Variants in LRPPRC observed in about 807,000 individuals in gnomAD.
LRPPRC encodes the protein leucine-rich PPR motif-containing protein, mitochondrial.
In LRPPRC, 120 loss-of-function variants were observed where a neutral mutation model predicts 180.3. The ratio of observed to expected loss-of-function variants is 0.67; its 90% CI spans 0.57 to 0.77. The LOEUF (loss-of-function observed/expected upper bound fraction) is 0.77. Ranked by LOEUF, LRPPRC falls within the 30% of genes least tolerant of loss-of-function variation. The pLI is 0.00. For missense variants in LRPPRC, 2,012 were observed against 1,657.2 expected, an observed-to-expected ratio of 1.21 and a Z score of -3.72; for synonymous variants, 723 against 600.0, an observed-to-expected ratio of 1.21 and a Z score of -3.00.
At position 43,948,424 on chromosome 2, in the gene LRPPRC, C is replaced by G. The variant is rs367748843; in HGVS notation, c.1830G>C (p.Gln610His). Residue 610 changes from glutamine to histidine, a missense_variant, in exon 17 of 38, where the codon CAG becomes CAC. Physicochemically the swap from Gln to His is conservative, Grantham distance 24. Transcript: ENST00000260665. ...AACGAAATGGTACCATCTTCTCCAG[C>G]TGATGGAAGTATTGTCTCAAATGCT... ...KEEHLRQYFH[Q>H]LEKMNVKIPE... The G allele has an allele frequency of 2.2e-5, 36 of 1,604,644 alleles. No individual in the cohort carries two copies. The highest frequency in any genetic ancestry group is 2.9e-5 in the Non-Finnish European group (34 of 1,171,592).
intron 13 of LRPPRC, among the ~76,000 whole-genome samples, chr2:43,957,936 G>A (rs1444301097): frequency 6.6e-6 from 1 of 152,144 alleles, no homozygotes; most frequent in East Asian, 1.9e-4. Context: ...TCAATGACCT[G>A]CACTCACACA....
chr2:43,897,533 A>G (rs1373205166), intron 34 of LRPPRC, among the ~76,000 whole-genome samples: 1 of 152,168 alleles, frequency 6.6e-6, no homozygotes, highest in Non-Finnish European at 1.5e-5. Context: ...GACATCTGTG[A>G]ATAAAGTATT....
At chr2:43,976,911 G>T in intron 5 of LRPPRC, 83 bp downstream of exon 5, 1 of 1,111,198 alleles carries the variant, frequency 9.0e-7, no homozygotes, top group South Asian at 1.3e-5. Context: ...TTAGGAAGAA[G>T]CTTTAAAACA....
At chr2:43,930,161 G>GT (rs1436379094) in intron 25 of LRPPRC, among the ~76,000 whole-genome samples, 1 of 152,060 alleles carries the variant, frequency 6.6e-6, no homozygotes. Context: ...TCAAAAGAGA[G>GT]TTTTTCCCCC....
intron 15 of LRPPRC, among the ~76,000 whole-genome samples, chr2:43,950,100 G>C (rs1572958743): frequency 6.6e-6 from 1 of 151,998 alleles, no homozygotes; most frequent in African/African-American, 2.4e-5. Flanking sequence ...ATCCTGAACT[G>C]CTAAATAACT....
intron 36 of LRPPRC, among the ~76,000 whole-genome samples, chr2:43,893,537 ATT>A (rs1205490404): frequency 1.3e-5 from 2 of 152,200 alleles, no homozygotes; most frequent in Non-Finnish European, 2.9e-5. Flanking sequence ...ATCGTTAACT[ATT>A]TTTAGCAATA....
Position 43,995,793 on chromosome 2 carries a change from A to C in LRPPRC, c.149+6T>G. On this transcript the variant is annotated splice_donor_region_variant and intron_variant, in intron 1 of 37. Transcript: ENST00000260665. ...GCTTGCCTGGAGAAAGGGCCTGGGC[A>C]CTCACCCGGCCACGGGCCCGGCGCG... The C allele has an allele frequency of 7.2e-7, 1 of 1,383,700 alleles. No individual in the cohort carries two copies. Among genetic ancestry groups the C allele is most frequent in the Non-Finnish European group, 9.3e-7 (1 of 1,080,594 alleles). 85.7% of individuals were successfully genotyped at this position (1,383,700 alleles called of 1,614,324 possible).
intron 16 of LRPPRC, among the ~76,000 whole-genome samples, chr2:43,948,918 A>G (rs1267135577): frequency 6.6e-6 from 1 of 152,150 alleles, no homozygotes; most frequent in Non-Finnish European, 1.5e-5. Flanking sequence ...GAAGCACATA[A>G]AATTAGAAAG....
intron 23 of LRPPRC, among the ~76,000 whole-genome samples, chr2:43,938,124 G>C (rs1025434177): frequency 6.6e-6 from 1 of 151,580 alleles, no homozygotes; most frequent in Non-Finnish European, 1.5e-5. Flanking sequence ...TAAAAATTTA[G>C]TCAATGCTTT....
intron 1 of LRPPRC, among the ~76,000 whole-genome samples, chr2:43,984,069 T>C (rs372917075): frequency 2.9e-4 from 44 of 152,242 alleles, no homozygotes; most frequent in African/African-American, 9.6e-4. Context: ...CCACAGAAGA[T>C]ATACCCTTAA....
intron 6 of LRPPRC, 22 bp downstream of exon 6, chr2:43,976,120 CA>C (rs772678729): frequency 9.4e-5 from 141 of 1,506,604 alleles, no homozygotes; most frequent in Admixed American, 2.3e-4. Flanking sequence ...ACTTAAGAAC[CA>C]AAACCTTAGG....
chr2:43,898,499 T>C (rs575333374), intron 34 of LRPPRC, among the ~76,000 whole-genome samples: 2 of 152,148 alleles, frequency 1.3e-5, no homozygotes, highest in East Asian at 3.8e-4. Context: ...GGGAAGGGGC[T>C]CCCCGGCGGT....
chr2:43,960,626 T>A lies in LRPPRC; in HGVS notation c.1497A>T (p.Gly499=). The A allele has an allele frequency of 6.4e-7, 1 of 1,569,562 alleles. No homozygotes were observed. Among genetic ancestry groups the A allele is most frequent in the Non-Finnish European group, 8.8e-7 (1 of 1,141,328 alleles). Residue 499 remains glycine (G), a synonymous_variant, in exon 13 of 38, where the codon GGA becomes GGT. Coordinates refer to ENST00000260665, the MANE Select transcript of LRPPRC (RefSeq NM_133259.4). The part of the protein sequence containing the change: ...NSARAILQEN[G]CLSDSDMFSQ... ...AAAACATATCACTATCAGACAGACATCCATTTTCCTGGAGATAAAGCATAT... is the reference window on the plus strand; with the variant it reads ...AAAACATATCACTATCAGACAGACAACCATTTTCCTGGAGATAAAGCATAT...
At chr2:43,938,551 TACTACAA>T (rs1672355523) in intron 23 of LRPPRC, among the ~76,000 whole-genome samples, 1 of 152,166 alleles carries the variant, frequency 6.6e-6, no homozygotes, top group South Asian at 2.1e-4. Flanking sequence ...TACAAAGAGC[TACTACAA>T]ACTACAATTT....
chr2:43,912,328 A>G (rs1671291659), intron 30 of LRPPRC, 104 bp downstream of exon 30: 3 of 1,043,658 alleles, frequency 2.9e-6, no homozygotes, highest in African/African-American at 1.6e-5. Flanking sequence ...GCTGAGGCCA[A>G]TCAAGCAATT....
intron 25 of LRPPRC, among the ~76,000 whole-genome samples, chr2:43,928,820 G>C (rs1459322746): frequency 6.6e-6 from 1 of 151,942 alleles, no homozygotes; most frequent in Non-Finnish European, 1.5e-5. Flanking sequence ...AAGTACAACT[G>C]ACCCTTGAAC....
At chr2:43,996,035 C>A, upstream of LRPPRC, 1 of 1,378,806 alleles carries the variant, frequency 7.3e-7, no homozygotes, top group South Asian at 1.3e-5. Flanking sequence ...GCGGCAGAGA[C>A]CAACTGCCGG....
chr2:43,945,264 T>C (rs1311022244), intron 22 of LRPPRC, 68 bp downstream of exon 22: 1 of 1,039,988 alleles, frequency 9.6e-7, no homozygotes, highest in Non-Finnish European at 1.5e-6. Flanking sequence ...TCCATTAATA[T>C]CAATTCACAT....
At chr2:43,912,341 A>T in intron 30 of LRPPRC, 91 bp downstream of exon 30, 1 of 1,187,176 alleles carries the variant, frequency 8.4e-7, no homozygotes, top group Non-Finnish European at 1.2e-6. Flanking sequence ...AAGCAATTTT[A>T]CTACACAGCA....
Sources: gnomAD v4.1 joint callset for allele counts (sites outside exome capture counted in the v4.1 genomes callset) on GRCh38, gnomAD v4.1.1 for gene constraint, MANE v1.5 for transcripts, NCBI Gene and HGNC (gene_info 2026-07-23, HGNC 2026-07-21) for gene names.